TTC21A: variants seen among roughly 807,000 people sequenced by gnomAD.
TTC21A encodes the protein tetratricopeptide repeat domain 21A.
TTC21A carries 128 observed loss-of-function variants against 156.4 expected under a neutral mutation model. That is an observed-to-expected ratio of 0.82 (90% confidence interval 0.71 to 0.95). The LOEUF (loss-of-function observed/expected upper bound fraction) is 0.95, where lower values mean the gene tolerates loss of function less well. Among genes scored for constraint, TTC21A ranks in the 40% least tolerant of loss-of-function variants. The probability of loss-of-function intolerance (pLI) is 0.00; values close to 1 mark genes in which losing one functional copy is unlikely to be tolerated. For synonymous variants in TTC21A, 587 were observed against 617.1 expected (o/e 0.95, Z 0.72); for missense variants, 1,435 against 1,602.3 (o/e 0.90, Z 1.78).
chr3:39,124,956 A>G lies in TTC21A; in HGVS notation c.1094-107A>G. The G allele has an allele frequency of 9.1e-6, 7 of 772,138 alleles. No homozygotes were observed. The South Asian group carries it at 9.9e-5, about 11-fold the overall frequency. The allele number at this position is 772,138 out of a possible 1,614,324, so 47.8% of individuals were successfully genotyped here. ...GTAGAAATGTTGGAAAAGATCCCCTACACTGAGACATCTTCCTTCCACTGT... is the reference window on the plus strand; with the variant it reads ...GTAGAAATGTTGGAAAAGATCCCCTGCACTGAGACATCTTCCTTCCACTGT... On this transcript the variant is annotated intron_variant, in intron 9 of 28. Coordinates refer to ENST00000683103, the MANE Select transcript of TTC21A (RefSeq NM_001366900.1).
intron 1 of TTC21A, 175 bp downstream of exon 1, chr3:39,108,039 G>A: frequency 2.9e-6 from 2 of 685,790 alleles, no homozygotes; most frequent in Non-Finnish European, 2.4e-6. Flanking sequence ...TGGCTTCTGC[G>A]CACCCTGAGC....
At chr3:39,127,293 A>G (rs1396547000) in intron 12 of TTC21A, among the ~76,000 whole-genome samples, 1 of 152,112 alleles carries the variant, frequency 6.6e-6, no homozygotes, top group Non-Finnish European at 1.5e-5. Context: ...TACTGTGGCC[A>G]TTTGTCTGTC....
chr3:39,120,071 T>C (rs374422339), intron 8 of TTC21A, 51 bp downstream of exon 8: 2 of 1,353,376 alleles, frequency 1.5e-6, no homozygotes, highest in African/African-American at 1.5e-5. Context: ...CTGCTTTCCT[T>C]AGAGGAGAAC....
intron 13 of TTC21A, 36 bp from the exon 14 acceptor site, chr3:39,128,681 G>T (rs762648184): frequency 8.7e-6 from 14 of 1,603,914 alleles, no homozygotes; most frequent in African/African-American, 1.3e-5. Flanking sequence ...TAGCAGCAGT[G>T]AACTGGAGCC....
intron 7 of TTC21A, chr3:39,119,697 CTG>C (rs2037593604): frequency 2.5e-6 from 1 of 392,590 alleles, no homozygotes; most frequent in Non-Finnish European, 4.6e-6. Context: ...AGTGCCAGCT[CTG>C]GGTGAATAAT....
At chr3:39,112,037 C>T (rs531461990) in intron 4 of TTC21A, among the ~76,000 whole-genome samples, 31 of 152,314 alleles carry the variant, frequency 2.0e-4, no homozygotes, top group African/African-American at 7.5e-4. Flanking sequence ...TCGTGCTGGC[C>T]TAAGGAGTGG....
In TTC21A at chr3:39,134,173, C is replaced by T. The variant is rs773780782; in HGVS notation, c.2752-45C>T. On this transcript the variant is annotated intron_variant, in intron 20 of 28. Transcript: ENST00000683103. This position sits in a 1 kb window ranked among gnomAD's most constrained non-coding sequence, Gnocchi z 4.6. ...TGTCAAGGATAACCCCAGGGGTTTC[C>T]CATGGTGTTTACTAGTTAGTTTATT... The T allele has an allele frequency of 1.6e-6, 2 of 1,289,186 alleles. No homozygotes were observed. The highest frequency in any genetic ancestry group is 2.3e-5 in the East Asian group (1 of 43,098). 79.9% of individuals were successfully genotyped at this position (1,289,186 alleles called of 1,614,324 possible).
At chr3:39,136,318 T>G (rs768825760) in intron 22 of TTC21A, 39 bp from the exon 23 acceptor site, 1 of 1,591,550 alleles carries the variant, frequency 6.3e-7, no homozygotes, top group Admixed American at 1.7e-5. Context: ...TAACAGCTAC[T>G]GGGCATTTCA....
chr3:39,114,369 C>T (rs558715523), intron 5 of TTC21A, among the ~76,000 whole-genome samples: 17 of 152,320 alleles, frequency 1.1e-4, no homozygotes, highest in African/African-American at 3.8e-4. Flanking sequence ...AGCCCCTGCT[C>T]ATCCTGTCCG....
intron 20 of TTC21A, among the ~76,000 whole-genome samples, chr3:39,133,663 T>C (rs1341259042): frequency 6.6e-6 from 1 of 152,170 alleles, no homozygotes. Flanking sequence ...GGAACCATAG[T>C]TGGAGTTCAC....
intron 5 of TTC21A, 120 bp from the exon 6 acceptor site, chr3:39,114,465 C>T (rs950185885): frequency 1.4e-4 from 128 of 941,926 alleles, no homozygotes; most frequent in African/African-American, 1.2e-3. Context: ...AGAGGACCCA[C>T]GGTGCCCATG....
At position 39,130,878 on chromosome 3, in the gene TTC21A, A is replaced by C. The variant is rs770669498; in HGVS notation, c.2458+39A>C. 12 of 1,612,708 alleles carry C rather than the reference A, an allele frequency of 7.4e-6. No homozygotes were observed. The East Asian group carries it at 2.5e-4, about 33-fold the overall frequency. On this transcript the variant is annotated intron_variant, in intron 18 of 28. Transcript: ENST00000683103. The surrounding 1 kb of genome is among the most constrained non-coding windows in gnomAD (Gnocchi z 4.5). ...GTAACCCATTTCTAGCATTTGGAGC[A>C]GACATACTCCTCCCCCATTCCCCAT...
intron 9 of TTC21A, among the ~76,000 whole-genome samples, chr3:39,123,201 TGTAAG>T (rs1393564430): frequency 6.6e-6 from 1 of 152,118 alleles, no homozygotes; most frequent in African/African-American, 2.4e-5. Context: ...AAAATATTAT[TGTAAG>T]GTAAAAAATT....
rs1429583153 is a variant in TTC21A, at chr3:39,130,857, C to A, written c.2458+18C>A. 1.2e-6 allele frequency: 2 copies of A among 1,613,894 alleles called. No homozygotes were observed. Among genetic ancestry groups the A allele is most frequent in the East Asian group, 4.5e-5 (2 of 44,884 alleles). On this transcript the variant is annotated intron_variant, in intron 18 of 28. Transcript: ENST00000683103. The surrounding 1 kb of genome is among the most constrained non-coding windows in gnomAD (Gnocchi z 4.5). ...TGACATTGGTGAGGCAGCATTGTAA[C>A]CCATTTCTAGCATTTGGAGCAGACA...
chr3:39,117,784 G>T (rs188233927), intron 6 of TTC21A, among the ~76,000 whole-genome samples: 1 of 152,172 alleles, frequency 6.6e-6, no homozygotes, highest in Admixed American at 6.5e-5. Context: ...AGGAGGAAAG[G>T]GGGGAAAGGG....
chr3:39,137,186 C>T lies in TTC21A; in HGVS notation c.3258-9C>T, dbSNP rs748612967. ...GCCTGTGTCTGATACCCAGGTCTAA[C>T]ACCTGCAGCTACATGGAGAAGAAGG... On this transcript the variant is annotated splice_polypyrimidine_tract_variant and intron_variant, in intron 24 of 28. Coordinates refer to ENST00000683103, the MANE Select transcript of TTC21A (RefSeq NM_001366900.1). 5 of 1,610,132 alleles carry T rather than the reference C, an allele frequency of 3.1e-6. No homozygotes were observed. Among genetic ancestry groups the T allele is most frequent in the Admixed American group, 1.7e-5 (1 of 59,732 alleles).
At chr3:39,112,290 A>G (rs2036901758) in intron 4 of TTC21A, among the ~76,000 whole-genome samples, 168 bp from the exon 5 acceptor site, 1 of 152,216 alleles carries the variant, frequency 6.6e-6, no homozygotes, top group South Asian at 2.1e-4. Context: ...CAGACAAAGC[A>G]ACAATGGGAG....
intron 3 of TTC21A, 44 bp downstream of exon 3, chr3:39,110,183 G>A (rs1266501343): frequency 6.9e-7 from 1 of 1,451,956 alleles, no homozygotes; most frequent in East Asian, 2.3e-5. Flanking sequence ...ACCAGGGGAA[G>A]GAAAGCCCTG....
chr3:39,130,245 C>T lies in TTC21A; in HGVS notation c.2209-3C>T, dbSNP rs1429020373. 3.1e-6 allele frequency: 5 copies of T among 1,612,868 alleles called. No homozygotes were observed. In the Admixed American group the frequency reaches 5.0e-5, roughly 16 times the overall value. On this transcript the variant is annotated splice_polypyrimidine_tract_variant and splice_region_variant and intron_variant, in intron 16 of 28. Coordinates refer to ENST00000683103, the MANE Select transcript of TTC21A (RefSeq NM_001366900.1). This position sits in a 1 kb window ranked among gnomAD's most constrained non-coding sequence, Gnocchi z 4.5. ...GAAGACCCAAAGACACTTTCCCCAC[C>T]AGCCCGAGAAGGCCCTGGAGGTCTA...
Sources: allele counts gnomAD v4.1 joint callset (sites outside exome capture counted in the v4.1 genomes callset), GRCh38; gene constraint gnomAD v4.1.1; non-coding constraint Gnocchi (gnomAD v3.1); transcripts MANE v1.5; gene names NCBI Gene and HGNC (gene_info 2026-07-23, HGNC 2026-07-21).